Variants in DUXA observed in about 807,000 individuals in gnomAD.
The protein encoded by DUXA is double homeobox protein A.
A neutral mutation model predicts 27.5 loss-of-function variants in DUXA; 25 were observed. The ratio of observed to expected loss-of-function variants is 0.91; its 90% CI spans 0.66 to 1.27. The LOEUF (loss-of-function observed/expected upper bound fraction) is 1.27. Among genes scored for constraint, DUXA ranks in the 50% most tolerant of loss-of-function variants. The pLI is 0.00. For missense variants in DUXA, 247 were observed against 242.9 expected (o/e 1.02, Z -0.11); for synonymous variants, 90 against 80.5 (o/e 1.12, Z -0.63).
rs566169458 is a variant in DUXA at position 57,162,850 on chromosome 19, G to C, written c.26-2053C>G. Among the ~76,000 whole-genome samples the C allele has an allele frequency of 2.6e-5, 4 of 152,104 alleles. No homozygotes were observed. In the East Asian group the frequency reaches 7.7e-4, roughly 29 times the overall value. ...TGGCCTACCACATTGCTGGGATTAC[G>C]GGTGTGAGCCACTGCACCTGGCCCC... On this transcript the variant is annotated intron_variant, in intron 1 of 5. Transcript: ENST00000554048.
intron 5 of DUXA, 47 bp downstream of exon 5, chr19:57,155,220 C>T (rs1271966282): frequency 6.4e-7 from 1 of 1,564,068 alleles, no homozygotes; most frequent in Admixed American, 1.7e-5. Context: ...CACTGGACAT[C>T]CAAGGGCTCC....
chr19:57,162,195 A>AT (rs1390820355), intron 1 of DUXA, among the ~76,000 whole-genome samples: 7 of 152,048 alleles, frequency 4.6e-5, no homozygotes, highest in South Asian at 4.2e-4. Flanking sequence ...GCCGGAGCAT[A>AT]TTTTTTTTAC....
chr19:57,160,536 A>C, intron 2 of DUXA, 107 bp downstream of exon 2: 1 of 1,324,618 alleles, frequency 7.5e-7, no homozygotes, highest in Non-Finnish European at 1.0e-6. Flanking sequence ...CAGTTGAGAT[A>C]CTCCCTACCA....
Position 57,159,201 on chromosome 19 carries a change from G to A in DUXA, c.258C>T (p.Ser86=). ...PEAETLESSQ[S]QGQDQPGVEF... is the part of the protein sequence containing the mutation. Reference sequence around the variant, plus strand: ...CCACACCAGGTTGATCTTGCCCCTGGCTCTGGCTTGATTCTAAAGTCTCAG... The same window carrying A: ...CCACACCAGGTTGATCTTGCCCCTGACTCTGGCTTGATTCTAAAGTCTCAG... The change falls in exon 3 of 6, where the codon AGC becomes AGT. Residue 86 remains serine, a synonymous_variant. Transcript: ENST00000554048. 1.9e-6 allele frequency: 3 copies of A among 1,614,112 alleles called. No individual in the cohort carries two copies. Among genetic ancestry groups the A allele is most frequent in the Non-Finnish European group, 2.5e-6 (3 of 1,180,028 alleles).
chr19:57,164,122 TCC>T (rs1333015198), intron 1 of DUXA, among the ~76,000 whole-genome samples: 3 of 152,096 alleles, frequency 2.0e-5, no homozygotes, highest in Non-Finnish European at 2.9e-5. Context: ...AAGGACAATA[TCC>T]CTAATGAACA....
chr19:57,155,096 A>G (rs1480891997), intron 5 of DUXA, among the ~76,000 whole-genome samples, 171 bp downstream of exon 5: 1 of 152,214 alleles, frequency 6.6e-6, no homozygotes, highest in Non-Finnish European at 1.5e-5. Context: ...CAGAAGGTTC[A>G]TAGGCCTGGG....
Position 57,154,602 on chromosome 19 carries a change from C to T in DUXA, c.545-120G>A, listed in dbSNP as rs542172866. The T allele has an allele frequency of 1.4e-4, 110 of 768,050 alleles. 2 individuals are homozygous for T. The East Asian group carries it at 3.3e-3, about 23-fold the overall frequency. 47.6% of individuals were successfully genotyped at this position (768,050 alleles called of 1,614,324 possible). On this transcript the variant is annotated intron_variant, in intron 5 of 5. Coordinates refer to ENST00000554048, the MANE Select transcript of DUXA (RefSeq NM_001012729.2). ...TTTTTTAGACGGAGTCTCACTTTGT[C>T]GCCCAGGCTGGAGTGCGGTGGCGCG... is the stretch of plus-strand genomic sequence containing the variant.
chr19:57,154,627 G>A (rs560585653), intron 5 of DUXA, 145 bp from the exon 6 acceptor site: 24 of 571,976 alleles, frequency 4.2e-5, no homozygotes, highest in East Asian at 1.2e-4. Flanking sequence ...GCGGTGGCGC[G>A]ATCTCGGCTC....
At chr19:57,159,801 A>T (rs2087010990) in intron 2 of DUXA, among the ~76,000 whole-genome samples, 2 of 142,632 alleles carry the variant, frequency 1.4e-5, no homozygotes, top group Non-Finnish European at 1.5e-5. Flanking sequence ...CAAAAAAGTT[A>T]AAAAAAAAAA....
At chr19:57,165,783 C>T (rs1428421672) in intron 1 of DUXA, among the ~76,000 whole-genome samples, 11 of 120,120 alleles carry the variant, frequency 9.2e-5, no homozygotes, top group Admixed American at 2.2e-4. Flanking sequence ...CCAGCCTGGG[C>T]GAGAGAGTGA....
At chr19:57,156,372 G>A (rs936948977) in intron 4 of DUXA, among the ~76,000 whole-genome samples, 5 of 151,988 alleles carry the variant, frequency 3.3e-5, no homozygotes, top group Non-Finnish European at 7.4e-5. Context: ...ATACTTGTAC[G>A]CACACACTCA....
At chr19:57,159,589 T>G (rs922217418) in intron 2 of DUXA, among the ~76,000 whole-genome samples, 1 of 151,828 alleles carries the variant, frequency 6.6e-6, no homozygotes, top group African/African-American at 2.4e-5. Context: ...ATTTTTGTAT[T>G]TTCAGTAGAG....
At chr19:57,164,465 C>G (rs1391765353) in intron 1 of DUXA, among the ~76,000 whole-genome samples, 1 of 152,098 alleles carries the variant, frequency 6.6e-6, no homozygotes, top group Non-Finnish European at 1.5e-5. Flanking sequence ...ATCCCAGCAA[C>G]TTGGGAGGCT....
rs2087015917 is a variant in DUXA at position 57,160,674 on chromosome 19, A to C, written c.149T>G (p.Leu50Ter). 6.2e-7 allele frequency: 1 copy of C among 1,613,482 alleles called. No individual in the cohort carries two copies. Among genetic ancestry groups the C allele is most frequent in the South Asian group, 1.1e-5 (1 of 91,052 alleles). ...PGYATKQKLA[L>*]EINTEESRIQ... is the part of the protein sequence containing the mutation. ...TCTGGACTCTTCTGTATTGATTTCT[A>C]AAGCAAGTTTTTGTTTGGTAGCATA... Residue 50 changes from leucine to a stop codon, truncating the protein, a stop_gained, in exon 2 of 6, where the codon TTA (leucine) becomes TGA (stop). Transcript: ENST00000554048. LOFTEE classifies it high-confidence loss of function.
chr19:57,167,353 A>G, intron 1 of DUXA, 66 bp downstream of exon 1: 4 of 1,596,630 alleles, frequency 2.5e-6, no homozygotes, highest in Non-Finnish European at 3.4e-6. Flanking sequence ...TGACAAGACC[A>G]CTGGGTTTTT....
In DUXA at chr19:57,163,656, CTGG is replaced by C. The variant is rs370432998; in HGVS notation, c.26-2862_26-2860del. 3.1e-3 allele frequency among the ~76,000 whole-genome samples: 470 copies of C among 152,070 alleles called. 3 individuals carry two copies. Among genetic ancestry groups the C allele is most frequent in the African/African-American group, 0.011 (462 of 41,480 alleles). The stretch of plus-strand genomic sequence containing the variant: ...ACGTGGTTTTGCCACGTAGGCCAGG[CTGG>C]TCTGGATGATCCACCCACCTCAGCC... On this transcript the variant is annotated intron_variant, in intron 1 of 5. Transcript: ENST00000554048.
In DUXA at chr19:57,155,284, A is replaced by G; in HGVS notation, c.527T>C (p.Ile176Thr). 6.2e-7 allele frequency: 1 copy of G among 1,614,122 alleles called. No homozygotes were observed. The change falls in exon 5 of 6, where the codon ATT (isoleucine) becomes ACT (threonine). Residue 176 changes from isoleucine (I) to threonine (T), a missense_variant. Coordinates refer to ENST00000554048, the MANE Select transcript of DUXA (RefSeq NM_001012729.2). The part of the protein sequence containing the change: ...ASLEQEEQGK[I>T]PEGLQGAEDT... ...CTAGTTACCTTGCAGTCCCTCAGGA[A>G]TCTTGCCCTGCTCTTCTTGTTCTAA...
At chr19:57,155,155 G>A (rs924143292) in intron 5 of DUXA, 112 bp downstream of exon 5, 8 of 917,016 alleles carry the variant, frequency 8.7e-6, no homozygotes, top group Non-Finnish European at 1.2e-5. Flanking sequence ...TGGAGCACTT[G>A]AGTGGGGATA....
chr19:57,159,217 A>G lies in DUXA; in HGVS notation c.242T>C (p.Leu81Ser). 6.2e-7 allele frequency: 1 copy of G among 1,614,184 alleles called. No homozygotes were observed. The highest frequency in any genetic ancestry group is 8.5e-7 in the Non-Finnish European group (1 of 1,180,020). The change falls in exon 3 of 6, where the codon TTA becomes TCA. Residue 81 changes from leucine (L) to serine (S), a missense_variant. Physicochemically the swap from Leu to Ser is moderately radical, Grantham distance 145. Transcript: ENST00000554048. ...TTGCCCCTGGCTCTGGCTTGATTCT[A>G]AAGTCTCAGCTTCTGGTCTTTTCTG... ...GFQKRPEAETLESSQSQGQDQ... is the reference protein window; with the variant it reads ...GFQKRPEAETSESSQSQGQDQ...
Sources: gnomAD v4.1 joint callset for allele counts (sites outside exome capture counted in the v4.1 genomes callset) on GRCh38, gnomAD v4.1.1 for gene constraint, MANE v1.5 for transcripts, NCBI Gene and HGNC (gene_info 2026-07-23, HGNC 2026-07-21) for gene names.